TRMT11: variants seen among roughly 807,000 people sequenced by gnomAD.
TRMT11 encodes tRNA methyltransferase 11.
Under a neutral mutation model 62.8 loss-of-function variants are expected in TRMT11, and 53 were observed. That is an observed-to-expected ratio of 0.84 (90% CI 0.68 to 1.06). The LOEUF is 1.06. Ranked by LOEUF, TRMT11 falls within the 50% of genes least tolerant of loss-of-function variation. TRMT11 has a pLI of 0.00. For synonymous variants in TRMT11, 188 were observed against 190.3 expected (o/e 0.99, Z 0.10); for missense variants, 556 against 553.4 (o/e 1.00, Z -0.05).
intron 16 of TRMT11, among the ~76,000 whole-genome samples, chr6:126,048,574 G>T (rs139140458): frequency 6.6e-6 from 1 of 152,080 alleles, no homozygotes; most frequent in Non-Finnish European, 1.5e-5. Flanking sequence ...AGAATCACTC[G>T]GTTAGCTAGC....
chr6:126,173,355 G>A (rs188557853), upstream of TRMT11, among the ~76,000 whole-genome samples: 326 of 152,260 alleles, frequency 2.1e-3, 4 homozygotes, highest in Non-Finnish European at 3.7e-3. Flanking sequence ...TCAGGTCATA[G>A]ATATAAATTA....
At chr6:126,210,142 T>A in the TRMT11 span, among the ~76,000 whole-genome samples, 1 of 152,188 alleles carries the variant, frequency 6.6e-6, no homozygotes, top group Non-Finnish European at 1.5e-5. Context: ...TTTTTGTTAA[T>A]CAAAAGGGAG....
intron 17 of TRMT11, among the ~76,000 whole-genome samples, chr6:126,053,565 C>G (rs576666905): frequency 1.3e-3 from 200 of 152,228 alleles, no homozygotes; most frequent in African/African-American, 4.2e-3. Context: ...TTCAAACTAG[C>G]TAATCCTATG....
the TRMT11 span, among the ~76,000 whole-genome samples, chr6:126,269,323 AAT>A: frequency 1.2e-3 from 180 of 151,828 alleles, no homozygotes; most frequent in Non-Finnish European, 9.3e-4. Context: ...TAAAGAAAAA[AAT>A]ATTTTCAAAT....
At chr6:126,108,360 A>T (rs1777487282) in intron 17 of TRMT11, among the ~76,000 whole-genome samples, 1 of 152,234 alleles carries the variant, frequency 6.6e-6, no homozygotes, top group South Asian at 2.1e-4. Context: ...CTCATTAAGG[A>T]TAGTGCCAAC....
chr6:126,086,434 C>A (rs1777217727), intron 17 of TRMT11, among the ~76,000 whole-genome samples: 1 of 152,128 alleles, frequency 6.6e-6, no homozygotes. Context: ...TCAAGTCATT[C>A]ACCAAATTTT....
chr6:126,057,152 G>A (rs1188135480), intron 17 of TRMT11, among the ~76,000 whole-genome samples: 1 of 152,196 alleles, frequency 6.6e-6, no homozygotes, highest in Non-Finnish European at 1.5e-5. Flanking sequence ...AGCAGCCTGA[G>A]CAAAGCTGCA....
intron 17 of TRMT11, among the ~76,000 whole-genome samples, chr6:126,082,297 A>G (rs1777165828): frequency 6.6e-6 from 1 of 152,142 alleles, no homozygotes; most frequent in African/African-American, 2.4e-5. Context: ...AATAGAATAT[A>G]TAATATTGCT....
At chr6:126,025,417 C>A (rs892735720) in intron 12 of TRMT11, among the ~76,000 whole-genome samples, 2 of 151,768 alleles carry the variant, frequency 1.3e-5, no homozygotes, top group African/African-American at 4.8e-5. Context: ...TTATTTTGTT[C>A]TTTTCCAATT....
the TRMT11 span, among the ~76,000 whole-genome samples, chr6:126,270,404 G>T: frequency 1.3e-5 from 2 of 152,108 alleles, no homozygotes; most frequent in African/African-American, 2.4e-5. Flanking sequence ...TGACTTCAGG[G>T]TTTCTAACGA....
At chr6:126,042,042 A>G (rs141889548), downstream of TRMT11, among the ~76,000 whole-genome samples, 9 of 152,338 alleles carry the variant, frequency 5.9e-5, no homozygotes, top group East Asian at 1.4e-3. Context: ...CAGAACATAC[A>G]CATGGAGACA....
At chr6:126,248,609 G>A in the TRMT11 span, among the ~76,000 whole-genome samples, 12 of 151,882 alleles carry the variant, frequency 7.9e-5, no homozygotes, top group Admixed American at 7.2e-4. Context: ...ATCAACAATC[G>A]ACTTATTATT....
intron 7 of TRMT11, among the ~76,000 whole-genome samples, chr6:126,000,401 T>G (rs1562245792): frequency 6.6e-6 from 1 of 152,174 alleles, no homozygotes; most frequent in Non-Finnish European, 1.5e-5. Flanking sequence ...GTTTATTGAA[T>G]AGTAAATGTA....
intron 21 of TRMT11, among the ~76,000 whole-genome samples, chr6:126,149,192 A>T (rs562413614): frequency 6.6e-6 from 1 of 152,350 alleles, no homozygotes; most frequent in South Asian, 2.1e-4. Flanking sequence ...TTTGTAATGA[A>T]GCAGAATGTT....
chr6:125,986,892 G>A (rs1789730163), intron 1 of TRMT11: 2 of 471,614 alleles, frequency 4.2e-6, no homozygotes, highest in South Asian at 6.6e-5. Flanking sequence ...GAATATGACC[G>A]GTCATCTCAC....
At chr6:125,994,604 G>A (rs899887859) in intron 2 of TRMT11, among the ~76,000 whole-genome samples, 9 of 151,978 alleles carry the variant, frequency 5.9e-5, no homozygotes, top group African/African-American at 1.7e-4. Flanking sequence ...GAAAAAAAAC[G>A]GGGTATATAC....
At chr6:126,028,952 T>G (rs1029132463) in intron 12 of TRMT11, among the ~76,000 whole-genome samples, 1 of 152,192 alleles carries the variant, frequency 6.6e-6, no homozygotes, top group African/African-American at 2.4e-5. Context: ...ACTAGTGTTA[T>G]AAGAATCTTA....
intron 1 of TRMT11, among the ~76,000 whole-genome samples, chr6:125,991,768 T>C (rs1790666777): frequency 6.6e-6 from 1 of 152,150 alleles, no homozygotes; most frequent in Non-Finnish European, 1.5e-5. Flanking sequence ...GGAATATAAG[T>C]GTGGTCCAGT....
At chr6:126,023,123 T>C (rs982596968) in intron 12 of TRMT11, among the ~76,000 whole-genome samples, 1 of 152,240 alleles carries the variant, frequency 6.6e-6, no homozygotes, top group South Asian at 2.1e-4. Flanking sequence ...AAAGTCGTTT[T>C]TGGAAATCAA....
Sources: gnomAD v4.1 joint callset for allele counts (sites outside exome capture counted in the v4.1 genomes callset) on GRCh38, gnomAD v4.1.1 for gene constraint, MANE v1.5 for transcripts, NCBI Gene and HGNC (gene_info 2026-07-23, HGNC 2026-07-21) for gene names.